IL1RAPL2: variants seen among roughly 807,000 people sequenced by gnomAD.
The protein encoded by IL1RAPL2 is X-linked interleukin-1 receptor accessory protein-like 2.
Under a neutral mutation model 44.1 loss-of-function variants are expected in IL1RAPL2, and 3 were observed. The observed-to-expected ratio is 0.07, with a 90% CI of 0.03 to 0.18. The LOEUF (loss-of-function observed/expected upper bound fraction) is 0.18, where lower values mean the gene tolerates loss of function less well. Among genes scored for constraint, IL1RAPL2 ranks in the 10% least tolerant of loss-of-function variants. The pLI is 1.00. For synonymous variants in IL1RAPL2, 181 were observed against 178.8 expected (o/e 1.01, Z -0.10); for missense variants, 391 against 496.4 (o/e 0.79, Z 2.02).
chrX:105,179,008 A>G (rs2033503104), intron 2 of IL1RAPL2, among the ~76,000 whole-genome samples: 1 of 111,500 alleles, frequency 9.0e-6, no homozygotes. Context: ...ATCAAGTTCT[A>G]TTTGTCTACT....
At chrX:105,061,127 A>C (rs915097159) in intron 2 of IL1RAPL2, among the ~76,000 whole-genome samples, 1 of 111,030 alleles carries the variant, frequency 9.0e-6, no homozygotes, top group Non-Finnish European at 1.9e-5. Context: ...AATATGCTAC[A>C]TTAGGCTGTT....
At chrX:104,805,921 G>C (rs899224713) in intron 2 of IL1RAPL2, among the ~76,000 whole-genome samples, 4 of 111,576 alleles carry the variant, frequency 3.6e-5, no homozygotes, top group Non-Finnish European at 7.5e-5. Context: ...TTTGAACCTA[G>C]AGGCCTTTGC....
intron 6 of IL1RAPL2, among the ~76,000 whole-genome samples, chrX:105,507,130 T>C (rs1177829734): frequency 9.0e-6 from 1 of 111,730 alleles, no homozygotes; most frequent in Non-Finnish European, 1.9e-5. Context: ...GCTCTGGCTA[T>C]GTTTTATTTC....
At chrX:105,015,743 A>G (rs2031160620) in intron 2 of IL1RAPL2, among the ~76,000 whole-genome samples, 1 of 111,603 alleles carries the variant, frequency 9.0e-6, no homozygotes, top group African/African-American at 3.3e-5. Context: ...GAAGTCAGGT[A>G]GCATGATACC....
intron 1 of IL1RAPL2, among the ~76,000 whole-genome samples, chrX:104,605,371 G>T (rs1221300735): frequency 9.0e-6 from 1 of 111,696 alleles, no homozygotes; most frequent in Non-Finnish European, 1.9e-5. Context: ...AATCAGGAAA[G>T]ATCTAAAATT....
chrX:104,636,557 C>T (rs1020976782), intron 1 of IL1RAPL2, among the ~76,000 whole-genome samples: 6 of 112,054 alleles, frequency 5.4e-5, no homozygotes, highest in Admixed American at 9.4e-5. Context: ...CACCCCTCCC[C>T]CAGCCTTGCT....
intron 5 of IL1RAPL2, among the ~76,000 whole-genome samples, chrX:105,376,119 C>T (rs761538133): frequency 9.0e-6 from 1 of 111,591 alleles, no homozygotes; most frequent in Admixed American, 9.6e-5. Context: ...GGCTTCATTG[C>T]TGCACAGAAA....
At chrX:105,359,214 T>G in intron 5 of IL1RAPL2, among the ~76,000 whole-genome samples, 1 of 111,759 alleles carries the variant, frequency 8.9e-6, no homozygotes. Flanking sequence ...CCAGAGCATT[T>G]ACTATAAGGC....
intron 6 of IL1RAPL2, among the ~76,000 whole-genome samples, chrX:105,620,773 A>G (rs1455550403): frequency 9.0e-6 from 1 of 111,572 alleles, no homozygotes; most frequent in Non-Finnish European, 1.9e-5. Context: ...TGGAAATAAG[A>G]AGTTCAAGGT....
chrX:104,633,778 G>C (rs1236347424), intron 1 of IL1RAPL2, among the ~76,000 whole-genome samples: 12 of 110,826 alleles, frequency 1.1e-4, no homozygotes, highest in African/African-American at 3.6e-4. Context: ...TGTGTTGATA[G>C]TTTCAAAAAA....
chrX:105,310,634 A>G (rs966523963), intron 5 of IL1RAPL2, among the ~76,000 whole-genome samples: 1 of 111,740 alleles, frequency 8.9e-6, no homozygotes, highest in Admixed American at 9.6e-5. Flanking sequence ...CACATCCCAC[A>G]AATTTTTATG....
intron 2 of IL1RAPL2, among the ~76,000 whole-genome samples, chrX:105,125,588 T>C (rs1173334640): frequency 9.0e-6 from 1 of 111,675 alleles, no homozygotes; most frequent in Non-Finnish European, 1.9e-5. Flanking sequence ...GTTCTCTGAT[T>C]ATGTTTAAGA....
At chrX:105,561,265 A>G (rs932425025) in intron 6 of IL1RAPL2, among the ~76,000 whole-genome samples, 1 of 111,940 alleles carries the variant, frequency 8.9e-6, no homozygotes, top group Non-Finnish European at 1.9e-5. Flanking sequence ...TTGCCAAAAA[A>G]TTAATGCTGA....
At chrX:105,007,735 T>C in intron 2 of IL1RAPL2, among the ~76,000 whole-genome samples, 1 of 111,567 alleles carries the variant, frequency 9.0e-6, no homozygotes, top group Non-Finnish European at 1.9e-5. Flanking sequence ...ATCATGTTTT[T>C]CTTGAAATGT....
chrX:104,877,750 T>C, intron 2 of IL1RAPL2, among the ~76,000 whole-genome samples: 1 of 108,018 alleles, frequency 9.3e-6, no homozygotes, highest in Non-Finnish European at 1.9e-5. Flanking sequence ...ATACAGGGCA[T>C]TTTTTTTTTC....
intron 5 of IL1RAPL2, among the ~76,000 whole-genome samples, chrX:105,474,024 T>C (rs2036181959): frequency 9.0e-6 from 1 of 111,547 alleles, no homozygotes. Context: ...GTAGGTTCTA[T>C]AGCAAAGTCA....
intron 7 of IL1RAPL2, among the ~76,000 whole-genome samples, chrX:105,735,027 C>A (rs1238136266): frequency 9.0e-6 from 1 of 111,418 alleles, no homozygotes; most frequent in Admixed American, 9.6e-5. Context: ...CTTTCTGGGG[C>A]AGAAGTTTGC....
chrX:105,739,333 A>G (rs776052350), intron 7 of IL1RAPL2, among the ~76,000 whole-genome samples: 2 of 105,717 alleles, frequency 1.9e-5, no homozygotes, highest in South Asian at 9.3e-4. Context: ...TTAATGCCAG[A>G]AATGTTTTAC....
At chrX:105,247,089 T>C (rs2213327) in intron 4 of IL1RAPL2, among the ~76,000 whole-genome samples, 18,627 of 110,885 alleles carry the variant, frequency 0.17, 3,161 homozygotes, top group African/African-American at 0.52. Flanking sequence ...AGTAATTTAA[T>C]CTTGATTGTC....
Sources: allele counts gnomAD v4.1 joint callset (sites outside exome capture counted in the v4.1 genomes callset), GRCh38; gene constraint gnomAD v4.1.1; transcripts MANE v1.5; gene names NCBI Gene and HGNC (gene_info 2026-07-23, HGNC 2026-07-21).